The following CRYL1 variants were observed in gnomAD, a reference collection of about 807,000 sequenced individuals.
CRYL1 encodes crystallin lambda 1.
Under a neutral mutation model 36.6 loss-of-function variants are expected in CRYL1, and 29 were observed. That is an observed-to-expected ratio of 0.79 (90% CI 0.59 to 1.08). The LOEUF (loss-of-function observed/expected upper bound fraction) is 1.08. Ranked by LOEUF, CRYL1 falls within the 50% of genes least tolerant of loss-of-function variation. The pLI, the probability that CRYL1 is intolerant of heterozygous loss-of-function variation, is 0.00. For synonymous variants in CRYL1, 152 were observed against 151.5 expected, an observed-to-expected ratio of 1.00 and a Z score of -0.02; for missense variants, 411 against 407.9, an observed-to-expected ratio of 1.01 and a Z score of -0.06.
At chr13:20,448,688 C>G (rs925119471) in intron 3 of CRYL1, among the ~76,000 whole-genome samples, 3 of 152,126 alleles carry the variant, frequency 2.0e-5, no homozygotes, top group Admixed American at 2.0e-4. Context: ...AAAAAACTAT[C>G]AACTTAGAAT....
intron 3 of CRYL1, among the ~76,000 whole-genome samples, chr13:20,445,506 C>T (rs1233794435): frequency 6.6e-6 from 1 of 152,176 alleles, no homozygotes; most frequent in Non-Finnish European, 1.5e-5. Flanking sequence ...GAGATATGCT[C>T]CTAGCCTACC....
intron 4 of CRYL1, 49 bp downstream of exon 4, chr13:20,439,544 C>CAAAAAAA: frequency 1.8e-6 from 1 of 561,762 alleles, no homozygotes; most frequent in Non-Finnish European, 2.5e-6. Context: ...AAAAAAAAAA[C>CAAAAAAA]ACAGAATGAG....
At position 20,446,301 on chromosome 13, in the gene CRYL1, G is replaced by A. The variant is rs138682452; in HGVS notation, c.277-6547C>T. Among the ~76,000 whole-genome samples the A allele has an allele frequency of 1.2e-3, 180 of 152,172 alleles. 6 individuals carry two copies. In the East Asian group the frequency reaches 0.026, roughly 22 times the overall value. On this transcript the variant is annotated intron_variant, in intron 3 of 7. Coordinates refer to ENST00000298248, the MANE Select transcript of CRYL1 (RefSeq NM_015974.3). The stretch of plus-strand genomic sequence containing the variant: ...TAATTTTTGTATTTTTAGTAGAGAC[G>A]GGTTTTTGCCATGTTGGCCAGGCTG...
At chr13:20,419,453 C>T (rs1171467101) in intron 5 of CRYL1, among the ~76,000 whole-genome samples, 1 of 151,808 alleles carries the variant, frequency 6.6e-6, no homozygotes, top group Non-Finnish European at 1.5e-5. Context: ...TCACCACGCC[C>T]AGCTAATTTT....
chr13:20,437,370 C>T (rs932148998), intron 4 of CRYL1, among the ~76,000 whole-genome samples: 18 of 150,312 alleles, frequency 1.2e-4, no homozygotes, highest in Non-Finnish European at 2.2e-4. Flanking sequence ...TGCAGTGGCG[C>T]GATCTCGGCT....
intron 6 of CRYL1, chr13:20,406,086 A>AC (rs764282604): frequency 2.0e-5 from 3 of 152,214 alleles, no homozygotes; most frequent in Non-Finnish European, 4.4e-5. Flanking sequence ...CTCATTTCCC[A>AC]CATCTTTCAA....
At chr13:20,409,381 A>G (rs1318913982) in intron 6 of CRYL1, among the ~76,000 whole-genome samples, 2 of 152,060 alleles carry the variant, frequency 1.3e-5, no homozygotes, top group Non-Finnish European at 2.9e-5. Flanking sequence ...ACCATAAAAG[A>G]CTTTAACATA....
rs756817033 is a variant in CRYL1 at position 20,439,717 on chromosome 13, ATCT to A, written c.311_313del (p.Lys104del). On this transcript the variant is annotated inframe_deletion, in exon 4 of 8. Coordinates refer to ENST00000298248, the MANE Select transcript of CRYL1 (RefSeq NM_015974.3). ...AATGATGGAATCTAACTGAGCAAAA[ATCT>A]TCTTCTTCAGTTCTAGATCTTCTGG... The A allele has an allele frequency of 1.5e-5, 25 of 1,614,074 alleles. No individual in the cohort carries two copies. Among genetic ancestry groups the A allele is most frequent in the South Asian group, 4.4e-5 (4 of 91,076 alleles).
chr13:20,478,705 G>A (rs569523816), intron 3 of CRYL1, among the ~76,000 whole-genome samples: 2 of 152,080 alleles, frequency 1.3e-5, no homozygotes, highest in Non-Finnish European at 2.9e-5. Context: ...TCGAACTCCT[G>A]AGCTCAAGCA....
chr13:20,478,759 G>A lies in CRYL1; in HGVS notation c.276+10611C>T, dbSNP rs148892757. 6.4e-3 allele frequency among the ~76,000 whole-genome samples: 979 copies of A among 151,900 alleles called. 12 individuals carry two copies. The highest frequency in any genetic ancestry group is 0.022 in the African/African-American group (906 of 41,398). ...CCCCATGTTCTGGGATCACAGGCATGAGCCACCACATCCAGCCCTCTTCTC... is the reference window on the plus strand; with the variant it reads ...CCCCATGTTCTGGGATCACAGGCATAAGCCACCACATCCAGCCCTCTTCTC... On this transcript the variant is annotated intron_variant, in intron 3 of 7. Coordinates refer to ENST00000298248, the MANE Select transcript of CRYL1 (RefSeq NM_015974.3).
At chr13:20,498,283 A>C (rs190000568) in intron 2 of CRYL1, among the ~76,000 whole-genome samples, 46 of 152,008 alleles carry the variant, frequency 3.0e-4, no homozygotes, top group African/African-American at 1.1e-3. Context: ...CACTACACAC[A>C]CACCACCATA....
At chr13:20,456,656 A>AACACACACACAC (rs35160798) in intron 3 of CRYL1, among the ~76,000 whole-genome samples, 1 of 142,814 alleles carries the variant, frequency 7.0e-6, no homozygotes, top group Non-Finnish European at 1.5e-5. Context: ...CGATTCTTAA[A>AACACACACACAC]ACACACACAC....
chr13:20,525,766 A>C lies in CRYL1; in HGVS notation c.29T>G (p.Val10Gly). 2.3e-6 allele frequency: 3 copies of C among 1,304,210 alleles called. No individual in the cohort carries two copies. Among genetic ancestry groups the C allele is most frequent in the Non-Finnish European group, 2.9e-6 (3 of 1,024,872 alleles). 80.8% of individuals were successfully genotyped at this position (1,304,210 alleles called of 1,614,324 possible). ...CGGAGCCCTTTACCTGCCAACGATCACCACGCAGCCGGCCGCGGAGGACGC... is the reference window on the plus strand; with the variant it reads ...CGGAGCCCTTTACCTGCCAACGATCCCCACGCAGCCGGCCGCGGAGGACGC... MASSAAGCV[V>G]IVGSGVIGRS... Residue 10 changes from valine to glycine, a missense_variant, in exon 1 of 8, where the codon GTG becomes GGG. Physicochemically the swap from Val to Gly is moderately radical, Grantham distance 109. Transcript: ENST00000298248. This position sits in a 1 kb window ranked among gnomAD's most constrained non-coding sequence, Gnocchi z 4.3.
chr13:20,448,591 G>A (rs67445499), intron 3 of CRYL1, among the ~76,000 whole-genome samples: 6,971 of 152,220 alleles, frequency 0.046, 334 homozygotes, highest in Admixed American at 0.16. Flanking sequence ...ATACATAAAA[G>A]CAGAGGTAAG....
rs1565985608 is a variant in CRYL1 at position 20,502,255 on chromosome 13, C to T, written c.149+10188G>A. 2.6e-5 allele frequency: 4 copies of T among 152,436 alleles called. No individual in the cohort carries two copies. The South Asian group carries it at 8.3e-4, about 32-fold the overall frequency. 9.4% of individuals were successfully genotyped at this position (152,436 alleles called of 1,614,324 possible). ...AAATGCACTGTAGGAAGAAAGAAAACTACCTTCTGTCGCACAGGAGGGCTG... is the reference window on the plus strand; with the variant it reads ...AAATGCACTGTAGGAAGAAAGAAAATTACCTTCTGTCGCACAGGAGGGCTG... On this transcript the variant is annotated intron_variant, in intron 2 of 7. Coordinates refer to ENST00000298248, the MANE Select transcript of CRYL1 (RefSeq NM_015974.3).
At chr13:20,518,937 A>G (rs371379045) in intron 1 of CRYL1, among the ~76,000 whole-genome samples, 6 of 152,352 alleles carry the variant, frequency 3.9e-5, no homozygotes, top group African/African-American at 1.4e-4. Context: ...GCTGGGAAAG[A>G]CTAGCAATGG....
intron 2 of CRYL1, among the ~76,000 whole-genome samples, chr13:20,506,048 T>C (rs2033791848): frequency 6.6e-6 from 1 of 152,172 alleles, no homozygotes; most frequent in African/African-American, 2.4e-5. Context: ...TTGAAGATCT[T>C]GCGATGTAAG....
intron 3 of CRYL1, among the ~76,000 whole-genome samples, chr13:20,480,782 T>A (rs1436889716): frequency 1.3e-5 from 2 of 152,220 alleles, no homozygotes; most frequent in Admixed American, 6.5e-5. Flanking sequence ...GCACACTGAA[T>A]GCAATGAGGA....
intron 3 of CRYL1, among the ~76,000 whole-genome samples, chr13:20,483,892 C>T (rs891883427): frequency 1.3e-5 from 2 of 152,188 alleles, no homozygotes; most frequent in Non-Finnish European, 2.9e-5. Context: ...TCTTGGCTCA[C>T]TGCAACCTCC....
Sources: allele counts gnomAD v4.1 joint callset (sites outside exome capture counted in the v4.1 genomes callset), GRCh38; gene constraint gnomAD v4.1.1; non-coding constraint Gnocchi (gnomAD v3.1); transcripts MANE v1.5; gene names NCBI Gene and HGNC (gene_info 2026-07-23, HGNC 2026-07-21).